FLNB: variants seen among roughly 807,000 people sequenced by gnomAD.
FLNB encodes the protein filamin B, also known as filamin-B.
FLNB carries 111 observed loss-of-function variants against 250.6 expected under a neutral mutation model. That is an observed-to-expected ratio of 0.44 (90% CI 0.38 to 0.52). The LOEUF (loss-of-function observed/expected upper bound fraction) is 0.52. Ranked by LOEUF, FLNB falls within the 20% of genes least tolerant of loss-of-function variation. The probability of loss-of-function intolerance (pLI) is 0.00; values close to 1 mark genes in which losing one functional copy is unlikely to be tolerated. For missense variants in FLNB, 2,869 were observed against 3,447.8 expected, an observed-to-expected ratio of 0.83 and a Z score of 4.20; for synonymous variants, 1,302 against 1,372.1, an observed-to-expected ratio of 0.95 and a Z score of 1.13.
chr3:58,132,860 A>T lies in FLNB; in HGVS notation c.4443A>T (p.Val1481=), dbSNP rs773152936. The T allele has an allele frequency of 6.2e-7, 1 of 1,613,892 alleles. No homozygotes were observed. Among genetic ancestry groups the T allele is most frequent in the Admixed American group, 1.7e-5 (1 of 60,000 alleles). The part of the protein sequence containing the change: ...VVDNGDGTHT[V]TYTPSQEGPY... The stretch of plus-strand genomic sequence containing the variant: ...ACAATGGAGATGGCACACACACAGT[A>T]ACCTACACCCCATCTCAGGAGGGAC... Residue 1481 remains valine, a synonymous_variant, in exon 26 of 46, where the codon GTA becomes GTT. Coordinates refer to ENST00000295956, the MANE Select transcript of FLNB (RefSeq NM_001457.4).
At chr3:58,143,440 G>A (rs771742563) in intron 31 of FLNB, 33 bp from the exon 32 acceptor site, 2 of 1,613,738 alleles carry the variant, frequency 1.2e-6, no homozygotes, top group South Asian at 2.2e-5. Flanking sequence ...GTTGCTGGTG[G>A]GCTTCATTGC....
At chr3:58,167,521 A>T (rs2097372797) in intron 43 of FLNB, among the ~76,000 whole-genome samples, 1 of 152,246 alleles carries the variant, frequency 6.6e-6, no homozygotes, top group Non-Finnish European at 1.5e-5. Context: ...TGGGGATGCT[A>T]TGCCAGGCAT....
intron 1 of FLNB, among the ~76,000 whole-genome samples, chr3:58,054,116 C>T (rs78591755): frequency 1.3e-5 from 2 of 152,136 alleles, no homozygotes; most frequent in Non-Finnish European, 2.9e-5. Flanking sequence ...TGCCCACTCA[C>T]TGGCTCTGGA....
chr3:58,051,960 C>T (rs1479291823), intron 1 of FLNB, among the ~76,000 whole-genome samples: 1 of 152,104 alleles, frequency 6.6e-6, no homozygotes, highest in East Asian at 1.9e-4. Context: ...GATCTCGGCT[C>T]ACTGCAACCT....
chr3:58,012,388 T>C (rs6792683), intron 1 of FLNB, among the ~76,000 whole-genome samples: 1,984 of 152,202 alleles, frequency 0.013, 39 homozygotes, highest in African/African-American at 0.044. Flanking sequence ...CTTGTGGAGG[T>C]GACCCAGCTA....
intron 33 of FLNB, 114 bp from the exon 34 acceptor site, chr3:58,146,706 C>G (rs1298084387): frequency 2.8e-6 from 3 of 1,074,460 alleles, no homozygotes; most frequent in African/African-American, 1.5e-5. Context: ...ACGTGGAGTG[C>G]GTCAATCCAT....
chr3:58,107,075 G>GC (rs2097260968), intron 12 of FLNB, among the ~76,000 whole-genome samples: 1 of 152,158 alleles, frequency 6.6e-6, no homozygotes, highest in African/African-American at 2.4e-5. Flanking sequence ...TGTCGCCCAG[G>GC]CTGGGGTACG....
intron 6 of FLNB, among the ~76,000 whole-genome samples, 173 bp downstream of exon 6, chr3:58,096,391 A>G (rs1211055469): frequency 6.6e-6 from 1 of 152,246 alleles, no homozygotes; most frequent in East Asian, 1.9e-4. Flanking sequence ...TCTACTAGCT[A>G]GGATGAGTTG....
intron 40 of FLNB, among the ~76,000 whole-genome samples, chr3:58,155,176 A>G (rs1408193687): frequency 1.3e-5 from 2 of 152,154 alleles, no homozygotes; most frequent in South Asian, 4.1e-4. Context: ...CAATTGCTCC[A>G]TTCTTTCCAC....
chr3:58,144,007 A>G (rs2097331651), intron 32 of FLNB, among the ~76,000 whole-genome samples: 1 of 152,084 alleles, frequency 6.6e-6, no homozygotes. Flanking sequence ...CAGCCCTGGA[A>G]GAAGAGGACC....
chr3:58,091,189 G>A (rs1238621304), intron 4 of FLNB, among the ~76,000 whole-genome samples: 1 of 152,158 alleles, frequency 6.6e-6, no homozygotes, highest in Non-Finnish European at 1.5e-5. Context: ...CAGATAGCAA[G>A]ATTATTATTT....
intron 1 of FLNB, among the ~76,000 whole-genome samples, chr3:58,057,931 C>T (rs1487509926): frequency 6.6e-6 from 1 of 152,136 alleles, no homozygotes. Flanking sequence ...GCTGGGATTA[C>T]AGGCATGCGC....
At chr3:58,023,459 G>A (rs1011252793) in intron 1 of FLNB, among the ~76,000 whole-genome samples, 1 of 152,092 alleles carries the variant, frequency 6.6e-6, no homozygotes, top group Admixed American at 6.5e-5. Flanking sequence ...GCAAAAAATT[G>A]CAAGAACACA....
At chr3:58,121,585 A>G (rs2097288842) in intron 20 of FLNB, 82 bp downstream of exon 20, 1 of 1,564,640 alleles carries the variant, frequency 6.4e-7, no homozygotes, top group South Asian at 1.1e-5. Flanking sequence ...CTTCCTGGCA[A>G]AGACCTTCTG....
chr3:58,080,141 G>T (rs527442195), intron 3 of FLNB, among the ~76,000 whole-genome samples: 1 of 152,278 alleles, frequency 6.6e-6, no homozygotes, highest in Admixed American at 6.5e-5. Flanking sequence ...ACTTTTTATG[G>T]AATGTATTGA....
intron 41 of FLNB, among the ~76,000 whole-genome samples, chr3:58,158,323 G>A (rs2097356361): frequency 6.6e-6 from 1 of 152,218 alleles, no homozygotes; most frequent in African/African-American, 2.4e-5. Context: ...CAAGGAGCTG[G>A]ATGTTTAGTT....
At chr3:58,081,234 G>T (rs1034638320) in intron 3 of FLNB, among the ~76,000 whole-genome samples, 7 of 152,128 alleles carry the variant, frequency 4.6e-5, no homozygotes, top group African/African-American at 9.7e-5. Flanking sequence ...GGAAAAAGCT[G>T]GTTAACCTGT....
In FLNB at chr3:58,171,019, TG is replaced by T; in HGVS notation, c.*259del. 2.1e-6 allele frequency: 1 copy of T among 485,186 alleles called. No homozygotes were observed. The allele number at this position is 485,186 out of a possible 1,614,324, so 30.1% of individuals were successfully genotyped here. ...ACTAGGTGCAAACCAGAACTCTTGG[TG>T]GAACAGACCAGCCACTGCAGCAGAC... On this transcript the variant is annotated 3_prime_UTR_variant, in exon 46 of 46. Transcript: ENST00000295956. The surrounding 1 kb of genome is among the most constrained non-coding windows in gnomAD (Gnocchi z 5.5).
At chr3:58,055,386 C>CCTT (rs1484289377) in intron 1 of FLNB, among the ~76,000 whole-genome samples, 1 of 152,070 alleles carries the variant, frequency 6.6e-6, no homozygotes, top group African/African-American at 2.4e-5. Flanking sequence ...GTATTTATGG[C>CCTT]CTAAGAGGAT....
Sources: allele counts gnomAD v4.1 joint callset (sites outside exome capture counted in the v4.1 genomes callset), GRCh38; gene constraint gnomAD v4.1.1; non-coding constraint Gnocchi (gnomAD v3.1); transcripts MANE v1.5; gene names NCBI Gene and HGNC (gene_info 2026-07-23, HGNC 2026-07-21).